MTCL2: variants seen among roughly 807,000 people sequenced by gnomAD.
MTCL2 encodes microtubule crosslinking factor 2, also known as microtubule cross-linking factor 2.
chr20:36,804,917 C>T, the MTCL2 span: 8 of 1,602,642 alleles, frequency 5.0e-6, no homozygotes, highest in African/African-American at 8.0e-5. Context: ...AGACAGGAGG[C>T]AAAACCTGAG....
the MTCL2 span, among the ~76,000 whole-genome samples, chr20:36,798,943 C>T: frequency 6.6e-6 from 1 of 152,164 alleles, no homozygotes; most frequent in Admixed American, 6.5e-5. Flanking sequence ...GTCCCAGGAA[C>T]GCGCTCAGTC....
At chr20:36,803,181 T>A in the MTCL2 span, 1 of 1,501,536 alleles carries the variant, frequency 6.7e-7, no homozygotes, top group Non-Finnish European at 8.9e-7. Context: ...CCTTCCCTCC[T>A]GGGTGCCAGC....
chr20:36,820,869 T>C, the MTCL2 span, among the ~76,000 whole-genome samples: 2 of 151,796 alleles, frequency 1.3e-5, no homozygotes, highest in South Asian at 4.1e-4. Context: ...TAAAAATATA[T>C]AGAAACCTGC....
At chr20:36,826,559 G>A in the MTCL2 span, among the ~76,000 whole-genome samples, 2 of 151,090 alleles carry the variant, frequency 1.3e-5, no homozygotes, top group Non-Finnish European at 2.9e-5. Context: ...CGTATTTTTT[G>A]TAGAGACGGG....
the MTCL2 span, among the ~76,000 whole-genome samples, chr20:36,841,285 A>C: frequency 2.6e-5 from 4 of 151,978 alleles, no homozygotes; most frequent in East Asian, 7.7e-4. Flanking sequence ...GTGAGCCGAG[A>C]TTGCACCATT....
At chr20:36,802,327 C>T in the MTCL2 span, among the ~76,000 whole-genome samples, 2 of 152,206 alleles carry the variant, frequency 1.3e-5, no homozygotes, top group East Asian at 3.9e-4. Context: ...AGGGAAAAGT[C>T]AAAATCAAGA....
the MTCL2 span, among the ~76,000 whole-genome samples, chr20:36,804,389 G>A: frequency 2.0e-5 from 3 of 152,194 alleles, no homozygotes; most frequent in African/African-American, 7.2e-5. Context: ...ATTTTGCGTG[G>A]AGGGAGCAAA....
chr20:36,803,546 G>A, the MTCL2 span, among the ~76,000 whole-genome samples: 1 of 152,080 alleles, frequency 6.6e-6, no homozygotes, highest in Admixed American at 6.5e-5. Flanking sequence ...GGGGCAGCAG[G>A]TGCAGGGGAC....
At chr20:36,825,217 A>G in the MTCL2 span, among the ~76,000 whole-genome samples, 1 of 152,312 alleles carries the variant, frequency 6.6e-6, no homozygotes, top group East Asian at 1.9e-4. Context: ...TGCTGGGATT[A>G]CAGGTGTGAG....
chr20:36,777,793 T>C, the MTCL2 span: 1 of 610,512 alleles, frequency 1.6e-6, no homozygotes, highest in Non-Finnish European at 2.9e-6. Context: ...TGGCGGGGGC[T>C]GGGGAGGGGC....
chr20:36,811,683 C>T, the MTCL2 span, among the ~76,000 whole-genome samples: 5 of 151,616 alleles, frequency 3.3e-5, no homozygotes, highest in Non-Finnish European at 7.4e-5. Context: ...TAGAAAATGA[C>T]AACTAAGTTA....
At chr20:36,793,006 G>A in the MTCL2 span, among the ~76,000 whole-genome samples, 1 of 152,104 alleles carries the variant, frequency 6.6e-6, no homozygotes, top group Non-Finnish European at 1.5e-5. This position sits in a 1 kb window ranked among gnomAD's most constrained non-coding sequence, Gnocchi z 6.8. Flanking sequence ...CTGGGTTCAA[G>A]TGATTCTCCT....
At chr20:36,786,700 A>G in the MTCL2 span, 3 of 1,434,932 alleles carry the variant, frequency 2.1e-6, no homozygotes, top group Non-Finnish European at 2.8e-6. Flanking sequence ...GACCACCATG[A>G]GCTGTGTGGT....
chr20:36,813,429 T>C, the MTCL2 span, among the ~76,000 whole-genome samples: 2 of 150,824 alleles, frequency 1.3e-5, no homozygotes, highest in African/African-American at 2.4e-5. Flanking sequence ...TGTATAGTTG[T>C]TAAAAAGAAA....
the MTCL2 span, chr20:36,803,235 A>T: frequency 7.3e-7 from 1 of 1,377,480 alleles, no homozygotes; most frequent in Admixed American, 2.6e-5. Flanking sequence ...CTCACTAGGG[A>T]CTAACCCAGC....
chr20:36,808,751 G>C, the MTCL2 span: 22 of 1,571,330 alleles, frequency 1.4e-5, no homozygotes, highest in African/African-American at 2.7e-5. Context: ...CAGCTGCCGG[G>C]GGACAAGAGC....
chr20:36,790,450 T>TA, the MTCL2 span, among the ~76,000 whole-genome samples: 6 of 113,208 alleles, frequency 5.3e-5, no homozygotes, highest in African/African-American at 1.9e-4. Flanking sequence ...TTTTTTTTTT[T>TA]AAAAGATGGA....
chr20:36,777,499 G>A, the MTCL2 span: 1 of 352,550 alleles, frequency 2.8e-6, no homozygotes, highest in Non-Finnish European at 5.1e-6. Flanking sequence ...CGCTTTATAA[G>A]TTTACACTGT....
the MTCL2 span, among the ~76,000 whole-genome samples, chr20:36,796,401 T>C: frequency 6.6e-6 from 1 of 152,204 alleles, no homozygotes; most frequent in African/African-American, 2.4e-5. Context: ...CTGGGGGTTC[T>C]GTTTCCCTGA....
Sources: gnomAD v4.1 joint callset for allele counts (sites outside exome capture counted in the v4.1 genomes callset) on GRCh38, gnomAD v4.1.1 for gene constraint, Gnocchi (gnomAD v3.1) non-coding constraint, MANE v1.5 for transcripts, NCBI Gene and HGNC (gene_info 2026-07-23, HGNC 2026-07-21) for gene names.